The following TLK1 variants were observed in gnomAD, a reference collection of about 807,000 sequenced individuals.
TLK1 encodes the protein serine/threonine-protein kinase tousled-like 1.
In TLK1, 24 loss-of-function variants were observed where a neutral mutation model predicts 105.3. The observed-to-expected ratio is 0.23, with a 90% CI of 0.17 to 0.32. TLK1 has a LOEUF of 0.32. Ranked by LOEUF, TLK1 falls within the 10% of genes least tolerant of loss-of-function variation. The pLI, the probability that TLK1 is intolerant of heterozygous loss-of-function variation, is 1.00. For missense variants in TLK1, 558 were observed against 910.5 expected, an observed-to-expected ratio of 0.61 and a Z score of 4.98; for synonymous variants, 321 against 310.4, an observed-to-expected ratio of 1.03 and a Z score of -0.36.
intron 11 of TLK1, chr2:171,045,925 G>A (rs900784646): frequency 5.5e-6 from 2 of 363,578 alleles, no homozygotes; most frequent in African/African-American, 4.2e-5. Flanking sequence ...AGACACAGAA[G>A]GGTGAATTCT....
chr2:171,180,885 T>C (rs915384230), intron 1 of TLK1, among the ~76,000 whole-genome samples: 2 of 151,306 alleles, frequency 1.3e-5, no homozygotes, highest in African/African-American at 4.9e-5. Context: ...TGACTTTTCA[T>C]GAGAAGTAAA....
chr2:171,023,233 T>A (rs1210870348), intron 12 of TLK1: 1 of 467,318 alleles, frequency 2.1e-6, no homozygotes, highest in African/African-American at 2.0e-5. Context: ...GTGATTTTTG[T>A]TTTAGTAGAG....
intron 1 of TLK1, among the ~76,000 whole-genome samples, chr2:171,141,031 A>T (rs1184604818): frequency 6.6e-6 from 1 of 152,234 alleles, no homozygotes; most frequent in African/African-American, 2.4e-5. Context: ...ATGAAATGGA[A>T]GATTGGTCAG....
intron 1 of TLK1, among the ~76,000 whole-genome samples, chr2:171,207,262 T>C (rs1057013061): frequency 5.3e-5 from 8 of 152,150 alleles, no homozygotes; most frequent in African/African-American, 1.7e-4. Context: ...GAAACTAAAA[T>C]ACATATTACT....
In TLK1 at chr2:171,083,663, C is replaced by A. The variant is rs77283071; in HGVS notation, c.259-811G>T. 2.0e-4 allele frequency among the ~76,000 whole-genome samples: 30 copies of A among 152,296 alleles called. No homozygotes were observed. In the East Asian group the frequency reaches 5.8e-3, roughly 29 times the overall value. On this transcript the variant is annotated intron_variant, in intron 2 of 20. Coordinates refer to ENST00000431350, the MANE Select transcript of TLK1 (RefSeq NM_012290.5). ...ATTGATATCCTCATGTTTCACCTCA[C>A]TTGTAACAGGAGTGGCTGCTAATCC...
intron 2 of TLK1, among the ~76,000 whole-genome samples, chr2:171,113,264 T>C (rs533887819): frequency 6.6e-6 from 1 of 151,382 alleles, no homozygotes; most frequent in African/African-American, 2.4e-5. Context: ...GGCAACCACA[T>C]ACATATCCTT....
rs568913248 is a variant in TLK1 at position 171,112,082 on chromosome 2, G to C, written c.258+5657C>G. Reference sequence around the variant, plus strand: ...TTCTCCTGCCTCAGCCTCCCAAGTAGCTGGGACTATAGGCAAACGCCACCA... The same window carrying C: ...TTCTCCTGCCTCAGCCTCCCAAGTACCTGGGACTATAGGCAAACGCCACCA... On this transcript the variant is annotated intron_variant, in intron 2 of 20. Transcript: ENST00000431350. Among the ~76,000 whole-genome samples the C allele has an allele frequency of 1.4e-4, 21 of 152,274 alleles. No homozygotes were observed. The South Asian group carries it at 3.5e-3, about 26-fold the overall frequency.
chr2:171,076,012 G>A (rs1372017819), intron 3 of TLK1, among the ~76,000 whole-genome samples: 2 of 152,282 alleles, frequency 1.3e-5, no homozygotes, highest in East Asian at 1.9e-4. Context: ...GCGGTCAGGA[G>A]TTCAAGACCA....
chr2:171,118,911 G>A lies in TLK1; in HGVS notation c.140-1054C>T, dbSNP rs3755122. On this transcript the variant is annotated intron_variant, in intron 1 of 20. Coordinates refer to ENST00000431350, the MANE Select transcript of TLK1 (RefSeq NM_012290.5). ...ACCTGGACAGAGGACTAGATGGATGGTGGCCACTCTTTCATGCTTATTTGG... is the reference window on the plus strand; with the variant it reads ...ACCTGGACAGAGGACTAGATGGATGATGGCCACTCTTTCATGCTTATTTGG... Among the ~76,000 whole-genome samples, 1,168 of 152,094 alleles carry A rather than the reference G, an allele frequency of 7.7e-3. 97 individuals are homozygous for A. The East Asian group carries it at 0.17, about 23-fold the overall frequency.
intron 8 of TLK1, among the ~76,000 whole-genome samples, chr2:171,051,886 GAAC>G (rs1474304960): frequency 2.0e-5 from 3 of 152,138 alleles, no homozygotes; most frequent in Non-Finnish European, 2.9e-5. Context: ...AAATGGGGAT[GAAC>G]AACTGGTTAT....
chr2:171,013,377 G>C (rs940693742), intron 13 of TLK1, among the ~76,000 whole-genome samples: 1 of 137,624 alleles, frequency 7.3e-6, no homozygotes, highest in African/African-American at 2.8e-5. Context: ...AATCAGGCTG[G>C]ACTGCGATCT....
chr2:171,144,430 A>C (rs991084223), intron 1 of TLK1, among the ~76,000 whole-genome samples: 3 of 152,172 alleles, frequency 2.0e-5, no homozygotes, highest in Non-Finnish European at 4.4e-5. Flanking sequence ...AGACCATAAA[A>C]CCAGCATCAA....
rs1011869953 is a variant in TLK1, at chr2:171,129,419, T to C, written c.140-11562A>G. Among the ~76,000 whole-genome samples the C allele has an allele frequency of 6.6e-5, 10 of 152,314 alleles. 1 individual carries two copies. In the South Asian group the frequency reaches 1.0e-3, roughly 16 times the overall value. On this transcript the variant is annotated intron_variant, in intron 1 of 20. Transcript: ENST00000431350. ...AAGAAGGGCCACAGAACAGTTTTTC[T>C]TTCTTAAAGTCCCTTTACAGCAGGT... is the stretch of plus-strand genomic sequence containing the variant.
At chr2:171,144,790 G>A (rs1402870322) in intron 1 of TLK1, among the ~76,000 whole-genome samples, 1 of 151,970 alleles carries the variant, frequency 6.6e-6, no homozygotes, top group Non-Finnish European at 1.5e-5. Context: ...GACAAAAGCA[G>A]GCCACAGAAT....
chr2:171,086,982 G>C (rs1689009043), intron 2 of TLK1, among the ~76,000 whole-genome samples: 1 of 152,064 alleles, frequency 6.6e-6, no homozygotes, highest in African/African-American at 2.4e-5. Context: ...AAAACAACTA[G>C]CAGGGATGTC....
intron 2 of TLK1, among the ~76,000 whole-genome samples, chr2:171,099,543 T>G (rs537818815): frequency 1.3e-5 from 2 of 152,154 alleles, no homozygotes; most frequent in Non-Finnish European, 2.9e-5. Flanking sequence ...GGACCCAGAA[T>G]AGCCAAAATA....
At chr2:171,124,693 C>T (rs2081715) in intron 1 of TLK1, among the ~76,000 whole-genome samples, 3 of 151,936 alleles carry the variant, frequency 2.0e-5, no homozygotes, top group Non-Finnish European at 4.4e-5. Flanking sequence ...TTGTAAATTA[C>T]TCCAACTAAG....
chr2:171,099,133 CA>C (rs1173038540), intron 2 of TLK1, among the ~76,000 whole-genome samples: 1 of 151,974 alleles, frequency 6.6e-6, no homozygotes, highest in East Asian at 1.9e-4. Flanking sequence ...GTAATAACAG[CA>C]AAACTATTAA....
chr2:171,049,787 A>C (rs1282597456), intron 10 of TLK1, 27 bp downstream of exon 10: 3 of 1,610,606 alleles, frequency 1.9e-6, no homozygotes. Flanking sequence ...GAATACTAAA[A>C]ACTTTTAAAT....
Sources: gnomAD v4.1 joint callset for allele counts (sites outside exome capture counted in the v4.1 genomes callset) on GRCh38, gnomAD v4.1.1 for gene constraint, MANE v1.5 for transcripts, NCBI Gene and HGNC (gene_info 2026-07-23, HGNC 2026-07-21) for gene names.